The following SLC6A5 variants were observed in gnomAD, a reference collection of about 807,000 sequenced individuals.
SLC6A5 encodes solute carrier family 6 member 5, also known as sodium- and chloride-dependent glycine transporter 2.
Under a neutral mutation model 90.5 loss-of-function variants are expected in SLC6A5, and 58 were observed. That is an observed-to-expected ratio of 0.64 (90% CI 0.52 to 0.80). The LOEUF is 0.80. SLC6A5 is among the 30% of genes least tolerant of loss of function. SLC6A5 has a pLI of 0.00. For synonymous variants in SLC6A5, 427 were observed against 401.4 expected (o/e 1.06, Z -0.76); for missense variants, 1,015 against 1,017.6 (o/e 1.00, Z 0.03).
intron 10 of SLC6A5, among the ~76,000 whole-genome samples, chr11:20,632,673 T>C (rs1326911361): frequency 6.6e-6 from 1 of 152,172 alleles, no homozygotes; most frequent in East Asian, 1.9e-4. Context: ...TATTTTTATA[T>C]GTGCTTTACA....
At position 20,646,297 on chromosome 11, in the gene SLC6A5, A is replaced by G. The variant is rs66974596; in HGVS notation, c.1970-537A>G. ...AACAAAGTGGGTGATTGACACTTGG[A>G]ATTTACGTTGGTTTTTGTGTGCTAT... On this transcript the variant is annotated intron_variant, in intron 13 of 15. Coordinates refer to ENST00000525748, the MANE Select transcript of SLC6A5 (RefSeq NM_004211.5). Among the ~76,000 whole-genome samples, 1,045 of 152,270 alleles carry G rather than the reference A, an allele frequency of 6.9e-3. 12 individuals carry two copies. The highest frequency in any genetic ancestry group is 0.024 in the African/African-American group (981 of 41,534).
chr11:20,655,024 G>C lies in SLC6A5; in HGVS notation c.*156G>C, dbSNP rs531279103. 8 of 839,804 alleles carry C rather than the reference G, an allele frequency of 9.5e-6. No homozygotes were observed. The African/African-American group carries it at 1.2e-4, about 12-fold the overall frequency. The allele number at this position is 839,804 out of a possible 1,614,324, so 52.0% of individuals were successfully genotyped here. ...GTGATTATGTAGAAAAGTAGGCATA[G>C]TGTCGCATGCTGCAGTAAAGAGCTA... On this transcript the variant is annotated 3_prime_UTR_variant, in exon 16 of 16. Coordinates refer to ENST00000525748, the MANE Select transcript of SLC6A5 (RefSeq NM_004211.5).
intron 12 of SLC6A5, among the ~76,000 whole-genome samples, chr11:20,638,066 C>G (rs1274107485): frequency 1.3e-5 from 2 of 152,148 alleles, no homozygotes; most frequent in African/African-American, 4.8e-5. Flanking sequence ...CCAGAGACAC[C>G]TAAAGGTCAT....
At chr11:20,610,087 A>G (rs1490486119) in intron 5 of SLC6A5, among the ~76,000 whole-genome samples, 1 of 152,242 alleles carries the variant, frequency 6.6e-6, no homozygotes, top group Non-Finnish European at 1.5e-5. Context: ...TAATTAAATG[A>G]TTCCTTTTCT....
chr11:20,608,240 G>C (rs1442837058), intron 5 of SLC6A5, among the ~76,000 whole-genome samples: 2 of 152,192 alleles, frequency 1.3e-5, no homozygotes, highest in African/African-American at 4.8e-5. Flanking sequence ...GTAGTGTCTA[G>C]AAGAGGGCAA....
In SLC6A5 at chr11:20,607,731, A is replaced by T. The variant is rs1852612941; in HGVS notation, c.985+79A>T. 3.2e-5 allele frequency: 37 copies of T among 1,140,904 alleles called. No homozygotes were observed. The South Asian group carries it at 3.3e-4, about 10-fold the overall frequency. 70.7% of individuals were successfully genotyped at this position (1,140,904 alleles called of 1,614,324 possible). ...TCAGCAAAATAATTGAACATATATT[A>T]TGCATGCTAGGACCTATACTAGGTT... is the stretch of plus-strand genomic sequence containing the variant. On this transcript the variant is annotated intron_variant, in intron 5 of 15. Coordinates refer to ENST00000525748, the MANE Select transcript of SLC6A5 (RefSeq NM_004211.5).
chr11:20,607,409 C>T, intron 4 of SLC6A5, 70 bp from the exon 5 acceptor site: 1 of 1,570,980 alleles, frequency 6.4e-7, no homozygotes, highest in Non-Finnish European at 8.8e-7. Context: ...AGGTCCCCAC[C>T]CTATGCCCAA....
At chr11:20,611,693 T>C (rs1309351150) in intron 5 of SLC6A5, among the ~76,000 whole-genome samples, 1 of 151,348 alleles carries the variant, frequency 6.6e-6, no homozygotes, top group East Asian at 2.0e-4. Context: ...ATTTGCTTCC[T>C]GCGAGTAAAT....
intron 7 of SLC6A5, among the ~76,000 whole-genome samples, chr11:20,623,049 G>A (rs764146941): frequency 6.6e-6 from 1 of 152,198 alleles, no homozygotes; most frequent in Non-Finnish European, 1.5e-5. Flanking sequence ...TGGAAGGAGA[G>A]AAGCAGGTTT....
intron 3 of SLC6A5, among the ~76,000 whole-genome samples, chr11:20,605,352 C>A (rs1234760849): frequency 2.0e-5 from 3 of 152,248 alleles, no homozygotes; most frequent in East Asian, 3.9e-4. Flanking sequence ...TTTGTTGCAG[C>A]AGAACGGACA....
intron 7 of SLC6A5, among the ~76,000 whole-genome samples, chr11:20,619,928 A>T (rs1353591419): frequency 5.9e-5 from 9 of 152,082 alleles, no homozygotes; most frequent in Non-Finnish European, 1.2e-4. Flanking sequence ...TTACAGGGAG[A>T]TGGGAAATGT....
intron 3 of SLC6A5, among the ~76,000 whole-genome samples, chr11:20,604,688 T>G (rs927620523): frequency 6.6e-6 from 1 of 152,144 alleles, no homozygotes; most frequent in African/African-American, 2.4e-5. Flanking sequence ...TGACCCAGTT[T>G]TGGGGCCTGG....
chr11:20,609,885 T>C (rs962977015), intron 5 of SLC6A5, among the ~76,000 whole-genome samples: 3 of 152,128 alleles, frequency 2.0e-5, no homozygotes, highest in Non-Finnish European at 4.4e-5. Flanking sequence ...GTGCTGCAGG[T>C]TGTAAGAGAG....
intron 10 of SLC6A5, among the ~76,000 whole-genome samples, chr11:20,631,711 T>C (rs1853112700): frequency 6.6e-6 from 1 of 152,196 alleles, no homozygotes. Context: ...ATGTGCCTCA[T>C]GCTGTGGGGC....
At chr11:20,603,612 T>C (rs901231311) in intron 2 of SLC6A5, among the ~76,000 whole-genome samples, 2 of 152,166 alleles carry the variant, frequency 1.3e-5, no homozygotes, top group African/African-American at 4.8e-5. Flanking sequence ...TTGTTTGTTT[T>C]CCGTCTTGTT....
intron 13 of SLC6A5, 36 bp downstream of exon 13, chr11:20,638,594 C>A: frequency 7.8e-7 from 1 of 1,288,684 alleles, no homozygotes; most frequent in Non-Finnish European, 1.1e-6. Flanking sequence ...TGAAGTAGAG[C>A]TTGAGTGTCG....
Position 20,626,851 on chromosome 11 carries a change from C to T in SLC6A5, c.1395+9C>T. On this transcript the variant is annotated intron_variant, in intron 8 of 15. Coordinates refer to ENST00000525748, the MANE Select transcript of SLC6A5 (RefSeq NM_004211.5). ...AACTCACGGATGCCACGGTGGGCTTCTAATTTTATCTATAACCAGCCCTGG... is the reference window on the plus strand; with the variant it reads ...AACTCACGGATGCCACGGTGGGCTTTTAATTTTATCTATAACCAGCCCTGG... The T allele has an allele frequency of 1.2e-6, 2 of 1,613,288 alleles. No homozygotes were observed. The highest frequency in any genetic ancestry group is 1.7e-6 in the Non-Finnish European group (2 of 1,179,262).
chr11:20,607,032 G>T lies in SLC6A5; in HGVS notation c.705G>T (p.Met235Ile). The change falls in exon 4 of 16, where the codon ATG (methionine) becomes ATT (isoleucine). Residue 235 changes from methionine to isoleucine, a missense_variant. Transcript: ENST00000525748. ...GGGAFLIPYL[M>I]MLALAGLPIF... ...GTGCTTTCCTCATCCCTTACCTGAT[G>T]ATGCTGGCTCTGGCTGGATTACCCA... The T allele has an allele frequency of 6.2e-7, 1 of 1,614,064 alleles. No homozygotes were observed. The highest frequency in any genetic ancestry group is 8.5e-7 in the Non-Finnish European group (1 of 1,180,018).
At chr11:20,618,350 C>T (rs987376271) in intron 7 of SLC6A5, among the ~76,000 whole-genome samples, 2 of 152,234 alleles carry the variant, frequency 1.3e-5, no homozygotes, top group African/African-American at 4.8e-5. Context: ...CACTCCCGGC[C>T]ACCATGTTCA....
Sources: allele counts gnomAD v4.1 joint callset (sites outside exome capture counted in the v4.1 genomes callset), GRCh38; gene constraint gnomAD v4.1.1; transcripts MANE v1.5; gene names NCBI Gene and HGNC (gene_info 2026-07-23, HGNC 2026-07-21).